PTPRS: variants seen among roughly 807,000 people sequenced by gnomAD.
PTPRS encodes protein tyrosine phosphatase receptor type S, also known as receptor-type tyrosine-protein phosphatase S.
Under a neutral mutation model 215.3 loss-of-function variants are expected in PTPRS, and 63 were observed. That is an observed-to-expected ratio of 0.29 (90% confidence interval 0.24 to 0.36). The LOEUF is 0.36. Among genes scored for constraint, PTPRS ranks in the 10% least tolerant of loss-of-function variants. The pLI is 1.00. For synonymous variants in PTPRS, 1,404 were observed against 1,191.4 expected, an observed-to-expected ratio of 1.18 and a Z score of -3.68; for missense variants, 2,258 against 2,825.8, an observed-to-expected ratio of 0.80 and a Z score of 4.56.
At chr19:5,208,513 C>T (rs1365443352) in intron 35 of PTPRS, 122 bp from the exon 36 acceptor site, 4 of 1,047,162 alleles carry the variant, frequency 3.8e-6, no homozygotes, top group Non-Finnish European at 5.3e-6. Context: ...TGGAGTTTCA[C>T]TCTTGTCGCC....
chr19:5,211,920 G>T, intron 32 of PTPRS, 45 bp downstream of exon 32: 1 of 1,549,970 alleles, frequency 6.5e-7, no homozygotes, highest in Non-Finnish European at 8.7e-7. Context: ...GGCTCTTTGG[G>T]CCTCCTCCCC....
In PTPRS at chr19:5,314,776, A is replaced by T. The variant is rs2049818263; in HGVS notation, c.-95+25888T>A. Among the ~76,000 whole-genome samples, 4 of 143,744 alleles carry T rather than the reference A, an allele frequency of 2.8e-5. No individual in the cohort carries two copies. In the South Asian group the frequency reaches 8.5e-4, roughly 31 times the overall value. The allele number at this position is 143,744 out of a possible 152,430, so 94.3% of individuals were successfully genotyped here. On this transcript the variant is annotated intron_variant, in intron 1 of 37. Coordinates refer to ENST00000262963, the MANE Select transcript of PTPRS (RefSeq NM_002850.4). ...AGCCTTGTTAGTAGCCAGGGCAGAG[A>T]GCTGAAGATTCGAGACATCACAGGT...
At chr19:5,250,649 G>A (rs1264552636) in intron 9 of PTPRS, among the ~76,000 whole-genome samples, 1 of 149,144 alleles carries the variant, frequency 6.7e-6, no homozygotes, top group Non-Finnish European at 1.5e-5. Context: ...GGGGTCGGGA[G>A]GGTGGGCGGT....
rs1372520385 is a variant in PTPRS, at chr19:5,237,389, C to A, written c.1849+1530G>T. Among the ~76,000 whole-genome samples the A allele has an allele frequency of 2.6e-5, 4 of 152,246 alleles. No homozygotes were observed. The East Asian group carries it at 5.8e-4, about 22-fold the overall frequency. ...GAAGCGGGGAGTCCCTTCTCCCCAA[C>A]TCCCTGTCCTGGGCCGCCCCGGAGG... On this transcript the variant is annotated intron_variant, in intron 13 of 37. Transcript: ENST00000262963. The surrounding 1 kb of genome is among the most constrained non-coding windows in gnomAD (Gnocchi z 4.2).
chr19:5,207,747 T>C lies in PTPRS; in HGVS notation c.5778+175A>G, dbSNP rs117425378. Among the ~76,000 whole-genome samples, 190 of 152,308 alleles carry C rather than the reference T, an allele frequency of 1.2e-3. 2 individuals carry two copies. The East Asian group carries it at 0.03, about 24-fold the overall frequency. The stretch of plus-strand genomic sequence containing the variant: ...TCGCCTTTGACCTTCAGCTGACTGT[T>C]GTGTTAAAAGGGTTACTGGTCCCCT... On this transcript the variant is annotated intron_variant, in intron 37 of 37. Transcript: ENST00000262963.
At chr19:5,245,002 C>T (rs770251363) in intron 10 of PTPRS, among the ~76,000 whole-genome samples, 39 of 121,372 alleles carry the variant, frequency 3.2e-4, no homozygotes, top group African/African-American at 1.0e-3. Context: ...TTTTTTTAGA[C>T]GGAGCCTTGC....
At chr19:5,215,653 CG>C in intron 26 of PTPRS, 58 bp from the exon 27 acceptor site, 5 of 251,544 alleles carry the variant, frequency 2.0e-5, no homozygotes, top group East Asian at 1.9e-4. Context: ...GCCGGGGACT[CG>C]GGGGAGGGGG....
chr19:5,276,603 C>T lies in PTPRS; in HGVS notation c.92-2259G>A, dbSNP rs560794376. ...TTGCCCAGGCTGGAGTGCAGTGGTGCGATCTCGGCTCACTTCAAGCTCCGC... is the reference window on the plus strand; with the variant it reads ...TTGCCCAGGCTGGAGTGCAGTGGTGTGATCTCGGCTCACTTCAAGCTCCGC... On this transcript the variant is annotated intron_variant, in intron 2 of 37. Coordinates refer to ENST00000262963, the MANE Select transcript of PTPRS (RefSeq NM_002850.4). 7.9e-4 allele frequency among the ~76,000 whole-genome samples: 120 copies of T among 151,498 alleles called. 1 individual carries two copies. The highest frequency in any genetic ancestry group is 2.5e-3 in the African/African-American group (102 of 41,290).
intron 2 of PTPRS, among the ~76,000 whole-genome samples, chr19:5,280,146 G>A (rs2047726397): frequency 6.6e-6 from 1 of 152,204 alleles, no homozygotes; most frequent in Non-Finnish European, 1.5e-5. Flanking sequence ...TCTACGACCA[G>A]CTAGAAAAGG....
At chr19:5,223,714 C>T (rs2042223039) in intron 17 of PTPRS, among the ~76,000 whole-genome samples, 1 of 151,484 alleles carries the variant, frequency 6.6e-6, no homozygotes, top group Admixed American at 6.6e-5. Context: ...AGGTACACAC[C>T]ACCACGCCTG....
At chr19:5,274,110 G>A (rs1568540435) in intron 3 of PTPRS, 89 bp downstream of exon 3, 12 of 1,504,642 alleles carry the variant, frequency 8.0e-6, no homozygotes, top group South Asian at 6.4e-5. Context: ...CCTGGGGAAC[G>A]TGTCCACGAA....
In PTPRS at chr19:5,295,628, G is replaced by A. The variant is rs1238554911; in HGVS notation, c.-94-9394C>T. Among the ~76,000 whole-genome samples the A allele has an allele frequency of 6.6e-6, 1 of 152,256 alleles. No homozygotes were observed. Among genetic ancestry groups the A allele is most frequent in the African/African-American group, 2.4e-5 (1 of 41,472 alleles). ...TAGCACAGGTCCACAGTACAAAGGA[G>A]GTTCTCAGCAAACATTTGCACAATC... On this transcript the variant is annotated intron_variant, in intron 1 of 37. Coordinates refer to ENST00000262963, the MANE Select transcript of PTPRS (RefSeq NM_002850.4). The surrounding 1 kb of genome is among the most constrained non-coding windows in gnomAD (Gnocchi z 4.6).
rs79291846 is a variant in PTPRS at position 5,235,643 on chromosome 19, C to T, written c.1849+3276G>A. 5.5e-3 allele frequency among the ~76,000 whole-genome samples: 839 copies of T among 152,288 alleles called. 6 individuals carry two copies. Among genetic ancestry groups the T allele is most frequent in the Non-Finnish European group, 0.01 (713 of 68,018 alleles). ...ACCCATGTTTTGAGTACCTACTGTG[C>T]GCCTGGCACTAGGCTAAGCTTGTTA... On this transcript the variant is annotated intron_variant, in intron 13 of 37. Coordinates refer to ENST00000262963, the MANE Select transcript of PTPRS (RefSeq NM_002850.4).
intron 11 of PTPRS, among the ~76,000 whole-genome samples, chr19:5,240,982 A>C (rs2043993474): frequency 7.5e-6 from 1 of 133,324 alleles, no homozygotes; most frequent in Admixed American, 8.1e-5. Flanking sequence ...CTCCGCCTCC[A>C]GGGTTCAAGT....
At chr19:5,263,756 G>A (rs8110903) in intron 5 of PTPRS, among the ~76,000 whole-genome samples, 62,866 of 152,190 alleles carry the variant, frequency 0.41, 14,254 homozygotes, top group East Asian at 0.8. Flanking sequence ...GCGCGTGCGC[G>A]GATCACTGCC....
chr19:5,324,481 A>G (rs1036228497), intron 1 of PTPRS, among the ~76,000 whole-genome samples: 4 of 152,118 alleles, frequency 2.6e-5, no homozygotes, highest in Admixed American at 1.3e-4. Context: ...TCATGTCCCT[A>G]TTGGCCTGTC....
intron 1 of PTPRS, among the ~76,000 whole-genome samples, chr19:5,321,339 C>G (rs1255843368): frequency 2.0e-5 from 3 of 152,144 alleles, no homozygotes; most frequent in Non-Finnish European, 2.9e-5. Context: ...ACGGAGCATT[C>G]CGACCTGGGG....
chr19:5,220,277 C>T lies in PTPRS; in HGVS notation c.3532G>A (p.Asp1178Asn), dbSNP rs774597513. ...GCCCTCACCTCTTCCAGATCCATGT[C>T]CTCTGGGCTACCCAGCGGGGTCAGG... ...QFLTPLGSPE[D>N]MDLEELIQDI... The change falls in exon 21 of 38, where the codon GAC becomes AAC. Residue 1178 changes from aspartate to asparagine, a missense_variant. Coordinates refer to ENST00000262963, the MANE Select transcript of PTPRS (RefSeq NM_002850.4). The T allele has an allele frequency of 1.9e-6, 3 of 1,614,038 alleles. No homozygotes were observed. The highest frequency in any genetic ancestry group is 2.2e-5 in the East Asian group (1 of 44,882).
At chr19:5,280,140 C>A (rs751679759) in intron 2 of PTPRS, among the ~76,000 whole-genome samples, 1 of 152,194 alleles carries the variant, frequency 6.6e-6, no homozygotes, top group African/African-American at 2.4e-5. Context: ...TGAGCCTCTA[C>A]GACCAGCTAG....
Sources: gnomAD v4.1 joint callset for allele counts (sites outside exome capture counted in the v4.1 genomes callset) on GRCh38, gnomAD v4.1.1 for gene constraint, Gnocchi (gnomAD v3.1) non-coding constraint, MANE v1.5 for transcripts, NCBI Gene and HGNC (gene_info 2026-07-23, HGNC 2026-07-21) for gene names.